The following BICDL1 variants were observed in gnomAD, a reference collection of about 807,000 sequenced individuals.
BICDL1 encodes the protein BICD family like cargo adaptor 1, also known as BICD family-like cargo adapter 1.
BICDL1 carries 20 observed loss-of-function variants against 76.8 expected under a neutral mutation model. That is an observed-to-expected ratio of 0.26 (90% CI 0.18 to 0.38). BICDL1 has a LOEUF of 0.38. Ranked by LOEUF, BICDL1 falls within the 10% of genes least tolerant of loss-of-function variation. The pLI is 1.00. For synonymous variants in BICDL1, 383 were observed against 337.1 expected (o/e 1.14, Z -1.49); for missense variants, 700 against 798.6 (o/e 0.88, Z 1.49).
At chr12:119,999,331 A>T (rs1230815739) in intron 2 of BICDL1, among the ~76,000 whole-genome samples, 3 of 152,178 alleles carry the variant, frequency 2.0e-5, no homozygotes, top group Non-Finnish European at 2.9e-5. Context: ...TGACGTTTTT[A>T]TAGCTCTAAA....
At chr12:120,082,167 T>C (rs1874043998) in intron 8 of BICDL1, among the ~76,000 whole-genome samples, 1 of 152,218 alleles carries the variant, frequency 6.6e-6, no homozygotes, top group African/African-American at 2.4e-5. Context: ...GTGGATCATT[T>C]CTCTCATAGA....
In BICDL1 at chr12:120,085,998, TAAA is replaced by T. The variant is rs397850497; in HGVS notation, c.1584-3935_1584-3933del. 2.1e-3 allele frequency among the ~76,000 whole-genome samples: 273 copies of T among 129,334 alleles called. 2 individuals are homozygous for T. The highest frequency in any genetic ancestry group is 0.018 in the Admixed American group (224 of 12,686). The allele number at this position is 129,334 out of a possible 152,430, so 84.8% of individuals were successfully genotyped here. On this transcript the variant is annotated intron_variant, in intron 8 of 9. Transcript: ENST00000548673. ...GCAAGTTGTCCAGTCTTTCTCCCTT[TAAA>T]AAAAAAAAAAAAAAAAAGTAAAACC...
At chr12:120,074,690 C>A in intron 7 of BICDL1, 104 bp downstream of exon 7, 1 of 883,460 alleles carries the variant, frequency 1.1e-6, no homozygotes. Flanking sequence ...TGAGAAGTGG[C>A]TCTCCTTCAT....
intron 1 of BICDL1, among the ~76,000 whole-genome samples, chr12:119,997,631 C>G (rs915362010): frequency 6.6e-6 from 1 of 152,092 alleles, no homozygotes; most frequent in Non-Finnish European, 1.5e-5. Context: ...TTAGACAGTC[C>G]CCGCTTTGCC....
intron 9 of BICDL1, chr12:120,091,489 A>G: frequency 1.0e-6 from 1 of 992,750 alleles, no homozygotes; most frequent in Non-Finnish European, 1.2e-6. Flanking sequence ...GCACTGTGCC[A>G]AGGATCATAT....
chr12:120,013,510 G>A (rs928440469), intron 2 of BICDL1, among the ~76,000 whole-genome samples: 7 of 148,478 alleles, frequency 4.7e-5, no homozygotes, highest in Non-Finnish European at 1.0e-4. Flanking sequence ...CACCCAGGCT[G>A]GAGTGCAGTG....
At chr12:119,998,275 A>G (rs1399718755) in intron 1 of BICDL1, among the ~76,000 whole-genome samples, 1 of 152,230 alleles carries the variant, frequency 6.6e-6, no homozygotes, top group African/African-American at 2.4e-5. Flanking sequence ...GCCTAAGGAT[A>G]AGAATAAACA....
intron 2 of BICDL1, among the ~76,000 whole-genome samples, chr12:120,043,523 C>T (rs888329933): frequency 6.6e-6 from 1 of 152,108 alleles, no homozygotes; most frequent in Non-Finnish European, 1.5e-5. Context: ...GTAGAAACAC[C>T]GAGCAGCAAA....
chr12:120,032,347 G>A (rs1244931243), intron 2 of BICDL1, among the ~76,000 whole-genome samples: 2 of 152,084 alleles, frequency 1.3e-5, no homozygotes, highest in Non-Finnish European at 2.9e-5. Flanking sequence ...TTATTTTTTG[G>A]CCTAAGTATC....
chr12:120,038,866 A>C (rs1405689895), intron 2 of BICDL1, among the ~76,000 whole-genome samples: 3 of 152,180 alleles, frequency 2.0e-5, no homozygotes, highest in Non-Finnish European at 4.4e-5. Flanking sequence ...TTCATGTGAC[A>C]CCAATTGGCA....
chr12:120,008,417 C>T (rs1951891231), intron 2 of BICDL1, among the ~76,000 whole-genome samples: 1 of 152,106 alleles, frequency 6.6e-6, no homozygotes. Flanking sequence ...CCTTGGCCTC[C>T]CAAAATGCTG....
intron 1 of BICDL1, among the ~76,000 whole-genome samples, chr12:119,990,850 G>C (rs1951506430): frequency 6.6e-6 from 1 of 152,226 alleles, no homozygotes; most frequent in Non-Finnish European, 1.5e-5. Context: ...AATCAGGCGA[G>C]CCAGGGCTCA....
rs1873811856 is a variant in BICDL1 at position 120,079,559 on chromosome 12, A to C, written c.1453-1328A>C. On this transcript the variant is annotated intron_variant, in intron 7 of 9. Coordinates refer to ENST00000548673, the MANE Select transcript of BICDL1 (RefSeq NM_001367886.1). This position sits in a 1 kb window ranked among gnomAD's most constrained non-coding sequence, Gnocchi z 4.3. ...ATTTAACATGAAGGCAGGGCTAGGC[A>C]TCCTGACTCACGTCTGATCTTATCA... Among the ~76,000 whole-genome samples, 1 of 152,228 alleles carries C rather than the reference A, an allele frequency of 6.6e-6. No individual in the cohort carries two copies.
In BICDL1 at chr12:119,989,984, C is replaced by G. The variant is rs1207775668; in HGVS notation, c.116C>G (p.Ala39Gly). Residue 39 changes from alanine to glycine, a missense_variant, in exon 1 of 10, where the codon GCC becomes GGC. Ala to Gly is a moderately conservative substitution (Grantham distance 60, BLOSUM62 0). Transcript: ENST00000548673. ...GGGGACGCAGTCCGGAGTCCCGCCG[C>G]CGCCGCCGCCCTCATCTTCCCCGGG... ...AAGDAVRSPA[A>G]AAALIFPGGS... The G allele has an allele frequency of 1.4e-6, 2 of 1,470,222 alleles. No individual in the cohort carries two copies. Among genetic ancestry groups the G allele is most frequent in the Non-Finnish European group, 1.8e-6 (2 of 1,125,054 alleles). 91.1% of individuals were successfully genotyped at this position (1,470,222 alleles called of 1,614,324 possible).
chr12:119,998,191 G>A (rs569840772), intron 1 of BICDL1, among the ~76,000 whole-genome samples: 19 of 152,256 alleles, frequency 1.2e-4, no homozygotes, highest in African/African-American at 4.6e-4. Flanking sequence ...ATTTTTAGTT[G>A]TTTAAATGTA....
chr12:120,073,750 C>T (rs549565207), intron 6 of BICDL1, among the ~76,000 whole-genome samples: 53 of 152,064 alleles, frequency 3.5e-4, no homozygotes, highest in Non-Finnish European at 5.9e-4. Context: ...CTGACCATGC[C>T]GTATTGATCT....
intron 2 of BICDL1, among the ~76,000 whole-genome samples, chr12:120,028,135 A>G (rs574915437): frequency 1.3e-5 from 2 of 152,342 alleles, no homozygotes; most frequent in South Asian, 4.1e-4. Flanking sequence ...CATCAGGGTC[A>G]TGACTATCAA....
rs377525029 is a variant in BICDL1 at position 120,088,798 on chromosome 12, C to G, written c.1584-1153C>G. ...TCTCCTGCCTCAGCCTCGCCAGTAG[C>G]TGGGACTACAGGCACCTGCCGCCAT... On this transcript the variant is annotated intron_variant, in intron 8 of 9. Coordinates refer to ENST00000548673, the MANE Select transcript of BICDL1 (RefSeq NM_001367886.1). Among the ~76,000 whole-genome samples, 8 of 152,300 alleles carry G rather than the reference C, an allele frequency of 5.3e-5. No homozygotes were observed. In the East Asian group the frequency reaches 9.6e-4, roughly 18 times the overall value.
At chr12:120,070,079 G>C (rs1307410454) in intron 4 of BICDL1, among the ~76,000 whole-genome samples, 1 of 151,978 alleles carries the variant, frequency 6.6e-6, no homozygotes, top group East Asian at 1.9e-4. Flanking sequence ...TCCCATTTGT[G>C]GTTATTTGAA....
Sources: allele counts gnomAD v4.1 joint callset (sites outside exome capture counted in the v4.1 genomes callset), GRCh38; gene constraint gnomAD v4.1.1; non-coding constraint Gnocchi (gnomAD v3.1); transcripts MANE v1.5; gene names NCBI Gene and HGNC (gene_info 2026-07-23, HGNC 2026-07-21).